Variants in SLC35F3 observed in about 807,000 individuals in gnomAD.
SLC35F3 encodes solute carrier family 35 member F3.
A neutral mutation model predicts 49.9 loss-of-function variants in SLC35F3; 25 were observed. The ratio of observed to expected loss-of-function variants is 0.50; its 90% CI spans 0.37 to 0.70. The LOEUF (loss-of-function observed/expected upper bound fraction) is 0.70. Among genes scored for constraint, SLC35F3 ranks in the 30% least tolerant of loss-of-function variants. The pLI is 0.00. For missense variants in SLC35F3, 525 were observed against 639.8 expected, an observed-to-expected ratio of 0.82 and a Z score of 1.94; for synonymous variants, 275 against 265.4, an observed-to-expected ratio of 1.04 and a Z score of -0.35.
At chr1:234,264,578 G>T (rs1443431737) in intron 3 of SLC35F3, among the ~76,000 whole-genome samples, 1 of 152,120 alleles carries the variant, frequency 6.6e-6, no homozygotes, top group Non-Finnish European at 1.5e-5. Flanking sequence ...AGAGGATCTT[G>T]CTCTGTTACC....
At chr1:234,303,218 T>G (rs1441361721) in intron 3 of SLC35F3, among the ~76,000 whole-genome samples, 2 of 152,220 alleles carry the variant, frequency 1.3e-5, no homozygotes, top group Non-Finnish European at 2.9e-5. Flanking sequence ...AACCTGTCAT[T>G]TCTCCTGCCA....
At chr1:234,140,002 A>AATAAAATAAAATAAAATAAAATAT in intron 2 of SLC35F3, among the ~76,000 whole-genome samples, 1 of 105,368 alleles carries the variant, frequency 9.5e-6, no homozygotes, top group Non-Finnish European at 2.4e-5. Flanking sequence ...AATAAAATAA[A>AATAAAATAAAATAAAATAAAATAT]GTAAGTGACT....
At chr1:234,210,016 G>T (rs1322619485) in intron 2 of SLC35F3, among the ~76,000 whole-genome samples, 1 of 152,138 alleles carries the variant, frequency 6.6e-6, no homozygotes, top group Non-Finnish European at 1.5e-5. Flanking sequence ...ATATGTTGTG[G>T]GAGGGACCCA....
chr1:234,136,332 C>A (rs1391442195), intron 2 of SLC35F3, among the ~76,000 whole-genome samples: 9 of 147,444 alleles, frequency 6.1e-5, no homozygotes, highest in Non-Finnish European at 1.3e-4. Flanking sequence ...CCTTCCTTCC[C>A]TCTTTGTTTT....
intron 2 of SLC35F3, among the ~76,000 whole-genome samples, chr1:234,066,844 A>T (rs199778273): frequency 2.2e-4 from 31 of 143,518 alleles, no homozygotes; most frequent in African/African-American, 7.7e-4. Context: ...ACACACACAC[A>T]CACACACACA....
At chr1:234,304,109 C>CCT (rs1037704021) in intron 3 of SLC35F3, among the ~76,000 whole-genome samples, 1 of 148,014 alleles carries the variant, frequency 6.8e-6, no homozygotes, top group African/African-American at 2.5e-5. Context: ...TTCCTCTCTC[C>CCT]CTCTCTCTCT....
At chr1:234,143,261 A>G (rs113412152) in intron 2 of SLC35F3, among the ~76,000 whole-genome samples, 50 of 142,878 alleles carry the variant, frequency 3.5e-4, no homozygotes, top group African/African-American at 1.2e-3. Context: ...CTCTGCTTCT[A>G]TGAGTTTGAC....
chr1:234,080,375 C>A (rs1306884360), intron 2 of SLC35F3, among the ~76,000 whole-genome samples: 3 of 152,118 alleles, frequency 2.0e-5, no homozygotes, highest in Non-Finnish European at 4.4e-5. Context: ...CCCAGCAATT[C>A]CCCTCAGGTA....
At chr1:233,913,386 G>A (rs1328727516) in intron 2 of SLC35F3, among the ~76,000 whole-genome samples, 2 of 152,158 alleles carry the variant, frequency 1.3e-5, no homozygotes, top group African/African-American at 4.8e-5. Flanking sequence ...CCTCCCAAGA[G>A]CCTTTACTGA....
chr1:234,309,842 T>C (rs1657303294), intron 4 of SLC35F3, among the ~76,000 whole-genome samples: 1 of 152,240 alleles, frequency 6.6e-6, no homozygotes, highest in Admixed American at 6.5e-5. Flanking sequence ...GACACACTCA[T>C]GCTAAGTCCC....
At position 234,214,634 on chromosome 1, in the gene SLC35F3, C is replaced by T. The variant is rs550815137; in HGVS notation, c.284-16783C>T. 4.0e-6 allele frequency: 6 copies of T among 1,496,740 alleles called. No homozygotes were observed. In the South Asian group the frequency reaches 6.4e-5, roughly 16 times the overall value. 92.7% of individuals were successfully genotyped at this position (1,496,740 alleles called of 1,614,324 possible). On this transcript the variant is annotated intron_variant, in intron 2 of 7. Coordinates refer to ENST00000366618, the MANE Select transcript of SLC35F3 (RefSeq NM_173508.4). The surrounding 1 kb of genome is among the most constrained non-coding windows in gnomAD (Gnocchi z 8.0). ...CACCCTAGCCGGGGAATGCTGCCAC[C>T]CTGAGGGGGGCTGTCTGGCTGCGGG...
intron 1 of SLC35F3, 33 bp from the exon 2 acceptor site, chr1:233,905,496 C>G (rs755139317): frequency 1.6e-5 from 25 of 1,518,896 alleles, no homozygotes; most frequent in Admixed American, 1.6e-4. Flanking sequence ...CTCCCCCTGC[C>G]CACCCACCTG....
intron 3 of SLC35F3, among the ~76,000 whole-genome samples, chr1:234,243,150 C>T (rs529699679): frequency 8.3e-4 from 126 of 152,234 alleles, no homozygotes; most frequent in African/African-American, 2.9e-3. Flanking sequence ...GTCAGGAGTT[C>T]AAGACCAGCC....
chr1:234,119,795 A>C (rs1665546043), intron 2 of SLC35F3, among the ~76,000 whole-genome samples: 1 of 152,232 alleles, frequency 6.6e-6, no homozygotes, highest in Non-Finnish European at 1.5e-5. Context: ...TGAAAATAGC[A>C]TAGTTGCCTA....
chr1:234,224,240 A>AT (rs1050999875), intron 2 of SLC35F3, among the ~76,000 whole-genome samples: 1 of 151,934 alleles, frequency 6.6e-6, no homozygotes, highest in South Asian at 2.1e-4. Flanking sequence ...AATTTTTTGT[A>AT]TTTTTTTATA....
chr1:234,098,794 G>A (rs994145356), intron 2 of SLC35F3, among the ~76,000 whole-genome samples: 2 of 151,060 alleles, frequency 1.3e-5, no homozygotes, highest in African/African-American at 4.9e-5. Context: ...TTCAGATGGC[G>A]GTGGTAGTGA....
chr1:233,983,077 T>C (rs1253287501), intron 2 of SLC35F3, among the ~76,000 whole-genome samples: 1 of 152,184 alleles, frequency 6.6e-6, no homozygotes, highest in Non-Finnish European at 1.5e-5. Context: ...CTGCTCTTAC[T>C]AGAAGCTCAT....
intron 2 of SLC35F3, among the ~76,000 whole-genome samples, chr1:234,162,160 T>G (rs1334883304): frequency 6.6e-6 from 1 of 151,768 alleles, no homozygotes; most frequent in African/African-American, 2.4e-5. Flanking sequence ...CAGCCCAGCC[T>G]GTGGTGTAGA....
At chr1:234,248,446 G>C (rs111754781) in intron 3 of SLC35F3, among the ~76,000 whole-genome samples, 19 of 126,080 alleles carry the variant, frequency 1.5e-4, no homozygotes, top group Non-Finnish European at 1.8e-4. Context: ...TTGGTTGGCT[G>C]GTCCATTGTT....
Sources: gnomAD v4.1 joint callset for allele counts (sites outside exome capture counted in the v4.1 genomes callset) on GRCh38, gnomAD v4.1.1 for gene constraint, Gnocchi (gnomAD v3.1) non-coding constraint, MANE v1.5 for transcripts, NCBI Gene and HGNC (gene_info 2026-07-23, HGNC 2026-07-21) for gene names.